Variants in TUSC3 observed in about 807,000 individuals in gnomAD.
TUSC3 encodes the protein dolichyl-diphosphooligosaccharide--protein glycosyltransferase subunit TUSC3.
Under a neutral mutation model 44.8 loss-of-function variants are expected in TUSC3, and 45 were observed. That is an observed-to-expected ratio of 1.00 (90% CI 0.79 to 1.29). The LOEUF (loss-of-function observed/expected upper bound fraction) is 1.29, where lower values mean the gene tolerates loss of function less well. TUSC3 is among the 50% of genes most tolerant of loss of function. TUSC3 has a pLI of 0.00. For synonymous variants in TUSC3, 212 were observed against 152.9 expected, an observed-to-expected ratio of 1.39 and a Z score of -2.85; for missense variants, 519 against 437.9, an observed-to-expected ratio of 1.19 and a Z score of -1.65.
chr8:15,668,372 G>A (rs980654158), intron 5 of TUSC3, among the ~76,000 whole-genome samples: 4 of 151,432 alleles, frequency 2.6e-5, no homozygotes, highest in Non-Finnish European at 1.5e-5. Context: ...CTTTGTTTCA[G>A]TGCATTTACC....
At chr8:15,803,987 G>A in the TUSC3 span, among the ~76,000 whole-genome samples, 2 of 152,052 alleles carry the variant, frequency 1.3e-5, no homozygotes, top group African/African-American at 2.4e-5. Flanking sequence ...CTTTGCTATT[G>A]TAATTAATGC....
chr8:15,721,063 A>T (rs1044123329), intron 6 of TUSC3, among the ~76,000 whole-genome samples: 3 of 152,130 alleles, frequency 2.0e-5, no homozygotes, highest in African/African-American at 7.2e-5. Flanking sequence ...GAAGACAATG[A>T]TTCTTACCTA....
rs1807874051 is a variant in TUSC3, at chr8:15,670,043, G to GT, written c.709-3700dup. Among the ~76,000 whole-genome samples the GT allele has an allele frequency of 2.0e-5, 3 of 151,912 alleles. No individual in the cohort carries two copies. The South Asian group carries it at 6.2e-4, about 31-fold the overall frequency. The stretch of plus-strand genomic sequence containing the variant: ...ATCTATTGTCATAGCATCACAAAAA[G>GT]TTTTGAATCAATCTAATAAAAGATA... On this transcript the variant is annotated intron_variant, in intron 5 of 10. Coordinates refer to ENST00000503731, the MANE Select transcript of TUSC3 (RefSeq NM_006765.4).
At chr8:15,681,342 A>G (rs1040563537) in intron 6 of TUSC3, among the ~76,000 whole-genome samples, 5 of 151,808 alleles carry the variant, frequency 3.3e-5, no homozygotes, top group Admixed American at 1.3e-4. Flanking sequence ...TACTGATTCA[A>G]TTTCAGAAGT....
At chr8:15,467,027 A>T (rs73665412) in intron 1 of TUSC3, among the ~76,000 whole-genome samples, 3,991 of 152,168 alleles carry the variant, frequency 0.026, 189 homozygotes, top group African/African-American at 0.09. Context: ...AGTTGATCTC[A>T]TTGCATATAG....
intron 1 of TUSC3, among the ~76,000 whole-genome samples, chr8:15,455,090 AG>A (rs1220281573): frequency 6.6e-6 from 1 of 152,152 alleles, no homozygotes; most frequent in Non-Finnish European, 1.5e-5. Flanking sequence ...CCAGCCTCAA[AG>A]GGCAGGATAG....
chr8:15,523,702 G>GTATATATATA (rs1563273682), intron 2 of TUSC3, among the ~76,000 whole-genome samples: 2 of 112,042 alleles, frequency 1.8e-5, no homozygotes, highest in African/African-American at 8.0e-5. Flanking sequence ...GTGTGTGTGT[G>GTATATATATA]TGTGTGTATA....
chr8:15,509,938 G>A (rs760902773), intron 2 of TUSC3, among the ~76,000 whole-genome samples: 2 of 152,160 alleles, frequency 1.3e-5, no homozygotes, highest in Non-Finnish European at 2.9e-5. Flanking sequence ...GGTTGGCCTA[G>A]GCAGGAGTAT....
chr8:15,457,536 A>C (rs930288632), intron 1 of TUSC3, among the ~76,000 whole-genome samples: 2 of 151,088 alleles, frequency 1.3e-5, no homozygotes, highest in African/African-American at 4.8e-5. Context: ...TGTATGAACC[A>C]GTAATTACGC....
chr8:15,459,879 CATACAT>C, intron 1 of TUSC3, among the ~76,000 whole-genome samples: 1 of 139,982 alleles, frequency 7.1e-6, no homozygotes, highest in Admixed American at 7.0e-5. Flanking sequence ...TGTGTGTATA[CATACAT>C]ACATACATAC....
chr8:15,622,083 G>C (rs182493849), intron 1 of TUSC3, among the ~76,000 whole-genome samples: 1 of 152,052 alleles, frequency 6.6e-6, no homozygotes, highest in African/African-American at 2.4e-5. Flanking sequence ...GAGGAGAGGG[G>C]AAAGAGATTA....
rs1328441455 is a variant in TUSC3 at position 15,628,418 on chromosome 8, C to A, written c.308+5169C>A. Reference sequence around the variant, plus strand: ...TTTAATGACATCTAGCCTATAACAACTTTTTTCATTTATTTGCTTTTTATT... The same window carrying A: ...TTTAATGACATCTAGCCTATAACAAATTTTTTCATTTATTTGCTTTTTATT... On this transcript the variant is annotated intron_variant, in intron 2 of 10. Coordinates refer to ENST00000503731, the MANE Select transcript of TUSC3 (RefSeq NM_006765.4). Among the ~76,000 whole-genome samples, 4 of 152,066 alleles carry A rather than the reference C, an allele frequency of 2.6e-5. 1 individual carries two copies. The highest frequency in any genetic ancestry group is 5.9e-5 in the Non-Finnish European group (4 of 68,018).
intron 6 of TUSC3, among the ~76,000 whole-genome samples, chr8:15,724,876 A>G (rs1326730010): frequency 6.6e-6 from 1 of 152,172 alleles, no homozygotes; most frequent in Admixed American, 6.5e-5. Context: ...AGTGAGAGAT[A>G]ATCACCCATG....
chr8:15,453,715 T>A (rs1011509677), intron 1 of TUSC3, among the ~76,000 whole-genome samples: 1 of 152,194 alleles, frequency 6.6e-6, no homozygotes, highest in Non-Finnish European at 1.5e-5. Flanking sequence ...ACACAGAGAA[T>A]TATTCTTGTT....
the TUSC3 span, chr8:15,807,314 G>C: frequency 2.2e-6 from 1 of 460,884 alleles, no homozygotes; most frequent in Middle Eastern, 5.6e-4. Context: ...TCTATTAAAA[G>C]TCAAAAATCA....
rs1430050583 is a variant in TUSC3 at position 15,659,574 on chromosome 8, C to T, written c.494C>T (p.Thr165Ile). 1.2e-6 allele frequency: 2 copies of T among 1,613,348 alleles called. No individual in the cohort carries two copies. The highest frequency in any genetic ancestry group is 1.3e-5 in the African/African-American group (1 of 74,866). Residue 165 changes from threonine to isoleucine, a missense_variant, in exon 4 of 11, where the codon ACT becomes ATT. Physicochemically the swap from Thr to Ile is moderately conservative, Grantham distance 89 (BLOSUM62 -1). Transcript: ENST00000503731. ...PPKGRPKRADTFDLQRIGFAA... is the reference protein window; with the variant it reads ...PPKGRPKRADIFDLQRIGFAA... ...AAAGGCAGACCTAAGAGAGCTGATA[C>T]TTTTGACCTCCAAAGAATTGGATTT...
chr8:15,541,822 A>C (rs553127889), intron 1 of TUSC3, among the ~76,000 whole-genome samples: 1 of 151,784 alleles, frequency 6.6e-6, no homozygotes. Context: ...GAAAGGTAGA[A>C]GAGTGAAGAA....
At chr8:15,507,848 T>C (rs1801078343) in intron 2 of TUSC3, among the ~76,000 whole-genome samples, 1 of 152,092 alleles carries the variant, frequency 6.6e-6, no homozygotes, top group African/African-American at 2.4e-5. Flanking sequence ...AAAAGATTAA[T>C]GGCCTCCCCA....
the TUSC3 span, among the ~76,000 whole-genome samples, chr8:15,774,839 T>G: frequency 6.6e-6 from 1 of 152,182 alleles, no homozygotes; most frequent in Non-Finnish European, 1.5e-5. Flanking sequence ...AAAATGTTGG[T>G]GCAGATGTGA....
Sources: gnomAD v4.1 joint callset for allele counts (sites outside exome capture counted in the v4.1 genomes callset) on GRCh38, gnomAD v4.1.1 for gene constraint, MANE v1.5 for transcripts, NCBI Gene and HGNC (gene_info 2026-07-23, HGNC 2026-07-21) for gene names.